ACCS: variants seen among roughly 807,000 people sequenced by gnomAD.
ACCS encodes 1-aminocyclopropane-1-carboxylate synthase homolog (inactive).
A neutral mutation model predicts 59.8 loss-of-function variants in ACCS; 42 were observed. The ratio of observed to expected loss-of-function variants is 0.70; its 90% confidence interval spans 0.55 to 0.91. ACCS has a LOEUF of 0.91. Ranked by LOEUF, ACCS falls within the 40% of genes least tolerant of loss-of-function variation. The pLI is 0.00. For missense variants in ACCS, 602 were observed against 630.4 expected (o/e 0.95, Z 0.48); for synonymous variants, 230 against 240.3 (o/e 0.96, Z 0.40).
chr11:44,079,466 C>A, intron 9 of ACCS, 65 bp from the exon 10 acceptor site: 1 of 1,400,816 alleles, frequency 7.1e-7, no homozygotes, highest in East Asian at 2.4e-5. Flanking sequence ...TATTACCTCC[C>A]CACCCTGTGG....
chr11:44,081,156 G>A (rs375489042), intron 11 of ACCS, 23 bp from the exon 12 acceptor site: 60 of 1,614,054 alleles, frequency 3.7e-5, no homozygotes, highest in African/African-American at 1.1e-4. Flanking sequence ...GCTGGCCACC[G>A]CCTAGGGTGC....
At chr11:44,078,853 A>G (rs762120551) in intron 9 of ACCS, 69 bp downstream of exon 9, 32 of 1,364,592 alleles carry the variant, frequency 2.3e-5, no homozygotes, top group Non-Finnish European at 3.1e-5. Flanking sequence ...GGTTTGGTGC[A>G]GGTTTTTCTA....
At chr11:44,073,584 G>C (rs1429101707) in intron 4 of ACCS, 67 bp downstream of exon 4, 4 of 1,505,054 alleles carry the variant, frequency 2.7e-6, no homozygotes, top group South Asian at 2.6e-5. Context: ...AGACATTTTT[G>C]GTTGTTATAA....
At chr11:44,073,324 ACTCT>A in intron 3 of ACCS, 119 bp from the exon 4 acceptor site, 2 of 812,994 alleles carry the variant, frequency 2.5e-6, no homozygotes, top group Non-Finnish European at 2.1e-6. Context: ...GAAAGCTGTC[ACTCT>A]CTGCCCCTCT....
intron 4 of ACCS, 148 bp from the exon 5 acceptor site, chr11:44,074,464 A>G: frequency 3.0e-6 from 2 of 670,724 alleles, no homozygotes; most frequent in Non-Finnish European, 5.4e-6. Context: ...GGTGGGTGCT[A>G]AGGAGTGGAG....
In ACCS at chr11:44,083,880, C is replaced by G. The variant is rs1953753771; in HGVS notation, c.*88C>G. ...CTGCAGAAGACTGACTGTGGATGTG[C>G]CATTTGCCAGGAAGGTATCTAACTT... is the stretch of plus-strand genomic sequence containing the variant. On this transcript the variant is annotated 3_prime_UTR_variant, in exon 15 of 15. Coordinates refer to ENST00000263776, the MANE Select transcript of ACCS (RefSeq NM_032592.4). 3 of 1,531,522 alleles carry G rather than the reference C, an allele frequency of 2.0e-6. No individual in the cohort carries two copies. Among genetic ancestry groups the G allele is most frequent in the African/African-American group, 2.8e-5 (2 of 72,490 alleles). The allele number at this position is 1,531,522 out of a possible 1,614,324, so 94.9% of individuals were successfully genotyped here. A position where few individuals can be genotyped will look rare whatever the true frequency, so the allele number is the denominator to read the frequency against.
At chr11:44,074,765 T>TTTCTTTCTTTCTTTCTTTCTTTCG in intron 5 of ACCS, 84 bp downstream of exon 5, 1 of 451,084 alleles carries the variant, frequency 2.2e-6, no homozygotes, top group Non-Finnish European at 3.4e-6. Context: ...TCTTTCTTTC[T>TTTCTTTCTTTCTTTCTTTCTTTCG]TTCTTTCTTT....
intron 2 of ACCS, among the ~76,000 whole-genome samples, chr11:44,068,577 C>T (rs1290347149): frequency 6.6e-6 from 1 of 152,174 alleles, no homozygotes; most frequent in Non-Finnish European, 1.5e-5. Context: ...TGCATTCTAG[C>T]CTGGGCAACG....
rs757728408 is a variant in ACCS, at chr11:44,067,843, G to T, written c.216G>T (p.Trp72Cys). 2.5e-6 allele frequency: 4 copies of T among 1,613,994 alleles called. No individual in the cohort carries two copies. The African/African-American group carries it at 4.0e-5, about 16-fold the overall frequency. Residue 72 changes from tryptophan to cysteine, a missense_variant, in exon 2 of 15, where the codon TGG becomes TGT. Physicochemically the swap from Trp to Cys is radical, Grantham distance 215. Transcript: ENST00000263776. ...CCTCTAGAGGAAGAATGATTAAATG[G>T]TTCTGGGATTCAGCTGAGGAGGGCT... The part of the protein sequence containing the change: ...YLSSRGRMIK[W>C]FWDSAEEGYR...
At chr11:44,066,753 C>T (rs1952812644) in intron 1 of ACCS, 52 bp downstream of exon 1, 1 of 152,290 alleles carries the variant, frequency 6.6e-6, no homozygotes, top group South Asian at 2.1e-4. Flanking sequence ...CCTGAGAAGA[C>T]TTTGCGGAGG....
At chr11:44,068,840 C>T (rs1346555188) in intron 2 of ACCS, among the ~76,000 whole-genome samples, 1 of 152,164 alleles carries the variant, frequency 6.6e-6, no homozygotes, top group Non-Finnish European at 1.5e-5. Flanking sequence ...TGAGCATCTA[C>T]CATGTAGATG....
At chr11:44,082,852 A>C (rs925662717) in intron 12 of ACCS, among the ~76,000 whole-genome samples, 2 of 152,112 alleles carry the variant, frequency 1.3e-5, no homozygotes, top group African/African-American at 4.8e-5. Context: ...GGGACTACAG[A>C]GCATCACTCT....
At chr11:44,078,588 C>A in intron 8 of ACCS, 96 bp from the exon 9 acceptor site, 2 of 992,046 alleles carry the variant, frequency 2.0e-6, no homozygotes, top group South Asian at 1.5e-5. Context: ...CCCCTCAAAT[C>A]TCCCTGGGAG....
rs758604583 is a variant in ACCS, at chr11:44,077,262, C to G, written c.557-17C>G. ...CTGGCCAGAAAGTGACAGGCCCTCG[C>G]CCACTCCTGCCCCCAGAGGCTTTCC... is the stretch of plus-strand genomic sequence containing the variant. On this transcript the variant is annotated splice_polypyrimidine_tract_variant and intron_variant, in intron 6 of 14. Coordinates refer to ENST00000263776, the MANE Select transcript of ACCS (RefSeq NM_032592.4). The G allele has an allele frequency of 6.2e-7, 1 of 1,610,850 alleles. No individual in the cohort carries two copies. Among genetic ancestry groups the G allele is most frequent in the South Asian group, 1.1e-5 (1 of 90,408 alleles).
Position 44,083,712 on chromosome 11 carries a change from C to A in ACCS, c.1426C>A (p.Gln476Lys). The A allele has an allele frequency of 1.2e-6, 2 of 1,614,162 alleles. No individual in the cohort carries two copies. Among genetic ancestry groups the A allele is most frequent in the Non-Finnish European group, 1.7e-6 (2 of 1,179,996 alleles). Residue 476 changes from glutamine to lysine, a missense_variant, in exon 15 of 15, where the codon CAG becomes AAG. By Grantham distance (53) the Gln-to-Lys change is moderately conservative. Transcript: ENST00000263776. Reference sequence around the variant, plus strand: ...CTTCCCAGGGATGCAGAGGGTCCAGCAGGTGCTTGCAGGCAAATCCCAAGT... The same window carrying A: ...CTTCCCAGGGATGCAGAGGGTCCAGAAGGTGCTTGCAGGCAAATCCCAAGT... Reference protein sequence around the residue: ...RLCLGMQRVQQVLAGKSQVAE... With the variant: ...RLCLGMQRVQKVLAGKSQVAE...
chr11:44,071,063 A>G (rs1282276638), intron 2 of ACCS, among the ~76,000 whole-genome samples, 193 bp from the exon 3 acceptor site: 1 of 152,154 alleles, frequency 6.6e-6, no homozygotes, highest in African/African-American at 2.4e-5. Context: ...ATTTGGACAG[A>G]GCTTTAGAAA....
At chr11:44,074,563 G>A (rs1377766771) in intron 4 of ACCS, 49 bp from the exon 5 acceptor site, 5 of 1,447,566 alleles carry the variant, frequency 3.5e-6, no homozygotes, top group Non-Finnish European at 3.9e-6. Flanking sequence ...AGGATGCACC[G>A]TGGGTTGGGG....
chr11:44,075,389 G>A, intron 5 of ACCS, 137 bp from the exon 6 acceptor site: 2 of 831,626 alleles, frequency 2.4e-6, no homozygotes, highest in Non-Finnish European at 3.9e-6. Flanking sequence ...TGTCAGTCTA[G>A]TGGCTTTGTT....
At position 44,079,220 on chromosome 11, in the gene ACCS, G is replaced by A; in HGVS notation, c.834-311G>A. Reference sequence around the variant, plus strand: ...TGAGCCTTAGAGTGGTCAAGTGAGGGGTGGATCCAGACTTGAACCTGGGTC... The same window carrying A: ...TGAGCCTTAGAGTGGTCAAGTGAGGAGTGGATCCAGACTTGAACCTGGGTC... On this transcript the variant is annotated intron_variant, in intron 9 of 14. Transcript: ENST00000263776. The A allele has an allele frequency of 1.5e-5, 6 of 409,348 alleles. No individual in the cohort carries two copies. In the South Asian group the frequency reaches 1.9e-4, roughly 13 times the overall value. The allele number at this position is 409,348 out of a possible 1,614,324, so 25.4% of individuals were successfully genotyped here.
Sources: gnomAD v4.1 joint callset for allele counts (sites outside exome capture counted in the v4.1 genomes callset) on GRCh38, gnomAD v4.1.1 for gene constraint, MANE v1.5 for transcripts, NCBI Gene and HGNC (gene_info 2026-07-23, HGNC 2026-07-21) for gene names.